The following CEP290 variants were observed in gnomAD, a reference collection of about 807,000 sequenced individuals.
The protein encoded by CEP290 is centrosomal protein 290, also known as centrosomal protein of 290 kDa.
CEP290 carries 317 observed loss-of-function variants against 344.9 expected under a neutral mutation model. The ratio of observed to expected loss-of-function variants is 0.92; its 90% CI spans 0.84 to 1.01. The LOEUF is 1.01. Among genes scored for constraint, CEP290 ranks in the 50% least tolerant of loss-of-function variants. CEP290 has a pLI of 0.00. For missense variants in CEP290, 2,754 were observed against 2,761.4 expected (o/e 1.00, Z 0.06); for synonymous variants, 932 against 895.8 (o/e 1.04, Z -0.72).
intron 37 of CEP290, among the ~76,000 whole-genome samples, chr12:88,081,581 T>TA (rs2036205390): frequency 1.3e-5 from 2 of 152,172 alleles, no homozygotes; most frequent in East Asian, 3.9e-4. Flanking sequence ...TGGCAAAACT[T>TA]AAGTCTAACT....
chr12:88,095,459 A>G (rs2137396295), intron 27 of CEP290, among the ~76,000 whole-genome samples: 1 of 152,324 alleles, frequency 6.6e-6, no homozygotes, highest in Non-Finnish European at 1.5e-5. Flanking sequence ...TTCTGTAGGG[A>G]ATTCAGCATT....
At position 88,087,832 on chromosome 12, in the gene CEP290, T is replaced by G. The variant is rs1175360748; in HGVS notation, c.4142A>C (p.Glu1381Ala). ...EIKYLNNIIS[E>A]YERTISSLEE... ...AAGACTGCTGATTGTACGTTCATAT[T>G]CAGAAATTATGTTATTCAAATATTT... Residue 1381 changes from glutamate to alanine, a missense_variant, in exon 32 of 54, where the codon GAA becomes GCA. Coordinates refer to ENST00000552810, the MANE Select transcript of CEP290 (RefSeq NM_025114.4). 3 of 1,290,982 alleles carry G rather than the reference T, an allele frequency of 2.3e-6. No homozygotes were observed. The highest frequency in any genetic ancestry group is 2.0e-6 in the Non-Finnish European group (2 of 1,002,040). 80.0% of individuals were successfully genotyped at this position (1,290,982 alleles called of 1,614,324 possible). A position where few individuals can be genotyped will look rare whatever the true frequency, so the allele number is the denominator to read the frequency against.
rs1057518822 is a variant in CEP290 at position 88,102,888 on chromosome 12, G to A, written c.2941C>T (p.Gln981Ter). The change falls in exon 26 of 54, where the codon CAA (glutamine) becomes TAA (stop). Residue 981 changes from glutamine (Q) to a stop codon, truncating the protein, a stop_gained. Transcript: ENST00000552810. LOFTEE classifies it high-confidence loss of function. ...CTTTGAACAAGCATATTATCTTTTT[G>A]CAAGATGTCCCTGTACTTAGCAGTC... is the stretch of plus-strand genomic sequence containing the variant. The part of the protein sequence containing the change: ...ELTAKYRDIL[Q>*]KDNMLVQRTS... 1 of 1,611,072 alleles carries A rather than the reference G, an allele frequency of 6.2e-7. No individual in the cohort carries two copies. Among genetic ancestry groups the A allele is most frequent in the Non-Finnish European group, 8.5e-7 (1 of 1,178,648 alleles).
At chr12:88,135,784 A>G (rs1196006930) in intron 6 of CEP290, 1 of 152,172 alleles carries the variant, frequency 6.6e-6, no homozygotes, top group Non-Finnish European at 1.5e-5. Context: ...ATATAACACA[A>G]CAATGACCTA....
At chr12:88,086,298 T>C (rs2036568492) in intron 33 of CEP290, 93 bp downstream of exon 33, 2 of 1,412,634 alleles carry the variant, frequency 1.4e-6, no homozygotes, top group Non-Finnish European at 1.9e-6. Flanking sequence ...CAATATAACA[T>C]CAATTAAAAT....
chr12:88,141,181 C>A, intron 2 of CEP290, 25 bp downstream of exon 2: 2 of 1,472,656 alleles, frequency 1.4e-6, no homozygotes, highest in Admixed American at 2.0e-5. Context: ...ATGTATATAT[C>A]TATTATTATT....
At chr12:88,050,157 C>A in intron 53 of CEP290, 197 bp downstream of exon 53, 1 of 457,038 alleles carries the variant, frequency 2.2e-6, no homozygotes. Context: ...ACTACTTAAT[C>A]CTATGTTGAG....
chr12:88,137,182 C>T (rs962957784), intron 5 of CEP290, among the ~76,000 whole-genome samples: 3 of 152,160 alleles, frequency 2.0e-5, no homozygotes, highest in African/African-American at 7.2e-5. Flanking sequence ...TCATACCATG[C>T]ACTGTTTAGA....
chr12:88,122,500 T>C (rs2039466537), intron 13 of CEP290, among the ~76,000 whole-genome samples: 2 of 152,232 alleles, frequency 1.3e-5, no homozygotes, highest in South Asian at 4.1e-4. Flanking sequence ...CTAAACCTAA[T>C]CCTAATCTTA....
At position 88,117,141 on chromosome 12, in the gene CEP290, TA is replaced by T; in HGVS notation, c.1715del (p.Leu572Ter). 1 of 1,440,626 alleles carries T rather than the reference TA, an allele frequency of 6.9e-7. No homozygotes were observed. The highest frequency in any genetic ancestry group is 1.2e-5 in the South Asian group (1 of 80,796). 89.2% of individuals were successfully genotyped at this position (1,440,626 alleles called of 1,614,324 possible). A position where few individuals can be genotyped will look rare whatever the true frequency, so the allele number is the denominator to read the frequency against. On this transcript the variant is annotated frameshift_variant, in exon 18 of 54. Transcript: ENST00000552810. LOFTEE classifies it high-confidence loss of function. ...CAGTTAGGTTCAGGTCCTCAGTGGTTAATCCTATATATAAGAGAATTAACAA... is the reference window on the plus strand; with the variant it reads ...CAGTTAGGTTCAGGTCCTCAGTGGTTATCCTATATATAAGAGAATTAACAA... ...ERGKRSATSG[L>X]TTEDLNLTEN...
intron 41 of CEP290, 38 bp downstream of exon 41, chr12:88,077,184 T>C: frequency 1.3e-6 from 2 of 1,574,428 alleles, no homozygotes; most frequent in South Asian, 1.2e-5. Flanking sequence ...ACTCTGTCAC[T>C]ACCTTAAGCA....
At chr12:88,070,797 G>C (rs1296987662) in intron 43 of CEP290, among the ~76,000 whole-genome samples, 1 of 152,054 alleles carries the variant, frequency 6.6e-6, no homozygotes, top group Non-Finnish European at 1.5e-5. Flanking sequence ...TCAAGAAAGG[G>C]ACCCTATAAA....
chr12:88,058,563 G>A (rs1345428917), intron 49 of CEP290: 1 of 383,346 alleles, frequency 2.6e-6, no homozygotes, highest in Admixed American at 4.8e-5. Flanking sequence ...GCTCATAGCT[G>A]ATGACAGCTT....
At chr12:88,139,398 T>G (rs2040514455) in intron 4 of CEP290, 97 bp downstream of exon 4, 3 of 649,778 alleles carry the variant, frequency 4.6e-6, no homozygotes. Flanking sequence ...AAACTGAATA[T>G]ATATATTTTA....
rs768777116 is a variant in CEP290, at chr12:88,049,310, ATTC to A, written c.7311_7313del (p.Lys2437del). The A allele has an allele frequency of 8.4e-6, 13 of 1,549,158 alleles. No individual in the cohort carries two copies. The highest frequency in any genetic ancestry group is 2.3e-5 in the South Asian group (2 of 88,392). ...TTTTTACCTTCTCTTCTAAGAGAATATTCTTCTTCACTTCTTCCTTGTAATTAT... is the reference window on the plus strand; with the variant it reads ...TTTTTACCTTCTCTTCTAAGAGAATATTCTTCACTTCTTCCTTGTAATTAT... On this transcript the variant is annotated inframe_deletion, in exon 54 of 54. Transcript: ENST00000552810.
intron 26 of CEP290, among the ~76,000 whole-genome samples, chr12:88,097,388 G>A (rs538674900): frequency 2.6e-5 from 4 of 151,888 alleles, no homozygotes; most frequent in East Asian, 1.9e-4. Context: ...CCCTTTGCTC[G>A]GCTCACATTC....
intron 26 of CEP290, among the ~76,000 whole-genome samples, chr12:88,099,786 T>G (rs934873419): frequency 1.3e-5 from 2 of 152,134 alleles, no homozygotes; most frequent in African/African-American, 4.8e-5. Flanking sequence ...TTTAAATATC[T>G]TTCTATCCAT....
chr12:88,113,175 C>T (rs1036153556), intron 20 of CEP290, among the ~76,000 whole-genome samples: 7 of 152,070 alleles, frequency 4.6e-5, no homozygotes. Context: ...AGATTGTCAA[C>T]ATAAATAGAA....
At chr12:88,125,428 G>A in intron 12 of CEP290, 59 bp from the exon 13 acceptor site, 1 of 912,358 alleles carries the variant, frequency 1.1e-6, no homozygotes, top group Non-Finnish European at 1.5e-6. Context: ...AAAAAGGTAA[G>A]GAAAAAAGTA....
Sources: allele counts gnomAD v4.1 joint callset (sites outside exome capture counted in the v4.1 genomes callset), GRCh38; gene constraint gnomAD v4.1.1; transcripts MANE v1.5; gene names NCBI Gene and HGNC (gene_info 2026-07-23, HGNC 2026-07-21).